Variants in ZNF804A observed in about 807,000 individuals in gnomAD.
ZNF804A encodes zinc finger protein 804A.
A neutral mutation model predicts 16.5 loss-of-function variants in ZNF804A; 2 were observed. The ratio of observed to expected loss-of-function variants is 0.12; its 90% CI spans 0.05 to 0.38. The LOEUF is 0.38. Ranked by LOEUF, ZNF804A falls within the 10% of genes least tolerant of loss-of-function variation. The pLI, the probability that ZNF804A is intolerant of heterozygous loss-of-function variation, is 0.99. For missense variants in ZNF804A, 1,473 were observed against 1,390.7 expected (o/e 1.06, Z -0.94); for synonymous variants, 534 against 489.6 (o/e 1.09, Z -1.20).
At chr2:184,741,422 G>T (rs1453065542) in intron 1 of ZNF804A, among the ~76,000 whole-genome samples, 2 of 151,978 alleles carry the variant, frequency 1.3e-5, no homozygotes. Context: ...TTTTTATTGG[G>T]GATTCATCAA....
At position 184,869,418 on chromosome 2, in the gene ZNF804A, G is replaced by A. The variant is rs572349922; in HGVS notation, c.255+2906G>A. ...AAGGGCCAATAAGTGAATAGAAAAA[G>A]GGAGGAGGATTTATTAATGGAATGA... is the stretch of plus-strand genomic sequence containing the variant. On this transcript the variant is annotated intron_variant, in intron 2 of 3. Transcript: ENST00000302277. Among the ~76,000 whole-genome samples the A allele has an allele frequency of 2.6e-5, 4 of 152,026 alleles. No individual in the cohort carries two copies. In the East Asian group the frequency reaches 7.8e-4, roughly 29 times the overall value.
intron 1 of ZNF804A, among the ~76,000 whole-genome samples, chr2:184,761,148 G>C (rs1289590590): frequency 1.3e-5 from 2 of 152,062 alleles, no homozygotes; most frequent in African/African-American, 2.4e-5. Flanking sequence ...TTTACTTGAG[G>C]TATGTTTGAA....
At chr2:184,826,808 T>C (rs1695175445) in intron 1 of ZNF804A, among the ~76,000 whole-genome samples, 1 of 152,124 alleles carries the variant, frequency 6.6e-6, no homozygotes. Context: ...ACTGCATGTA[T>C]ATTTTTATAT....
chr2:184,813,266 A>T lies in ZNF804A; in HGVS notation c.112-53103A>T, dbSNP rs143838231. Among the ~76,000 whole-genome samples, 326 of 152,204 alleles carry T rather than the reference A, an allele frequency of 2.1e-3. 1 individual carries two copies. Among genetic ancestry groups the T allele is most frequent in the Middle Eastern group, 6.8e-3 (2 of 294 alleles). ...AAAAAAGTATAAAACTGCTCTCTAA[A>T]CTCAAAGTCTTTATAATCTATTTGA... On this transcript the variant is annotated intron_variant, in intron 1 of 3. Coordinates refer to ENST00000302277, the MANE Select transcript of ZNF804A (RefSeq NM_194250.2).
chr2:184,674,477 A>G (rs887864409), intron 1 of ZNF804A, among the ~76,000 whole-genome samples: 2 of 152,002 alleles, frequency 1.3e-5, no homozygotes, highest in African/African-American at 4.8e-5. Flanking sequence ...ATAATGACAT[A>G]GGGAATCAAG....
chr2:184,866,830 T>A, intron 2 of ZNF804A, among the ~76,000 whole-genome samples: 1 of 151,064 alleles, frequency 6.6e-6, no homozygotes, highest in Non-Finnish European at 1.5e-5. Flanking sequence ...AAATGTATTG[T>A]TTTAAATATT....
chr2:184,720,474 T>C (rs1693293943), intron 1 of ZNF804A, among the ~76,000 whole-genome samples: 1 of 151,998 alleles, frequency 6.6e-6, no homozygotes, highest in African/African-American at 2.4e-5. Flanking sequence ...ATGAACTAGC[T>C]AAGAAGAAAA....
rs1006219255 is a variant in ZNF804A, at chr2:184,680,131, C to G, written c.111+81061C>G. Among the ~76,000 whole-genome samples, 3 of 152,174 alleles carry G rather than the reference C, an allele frequency of 2.0e-5. No individual in the cohort carries two copies. In the East Asian group the frequency reaches 5.8e-4, roughly 29 times the overall value. ...CTACCCACTGTGGGTCTCCTGTCTG[C>G]TGAGAGCTGAACAGACATCAGGAGG... On this transcript the variant is annotated intron_variant, in intron 1 of 3. Coordinates refer to ENST00000302277, the MANE Select transcript of ZNF804A (RefSeq NM_194250.2).
At chr2:184,772,971 G>GTATA (rs149878573) in intron 1 of ZNF804A, among the ~76,000 whole-genome samples, 1 of 142,000 alleles carries the variant, frequency 7.0e-6, no homozygotes, top group East Asian at 2.1e-4. Context: ...ACATATATAT[G>GTATA]TATATATATA....
intron 2 of ZNF804A, among the ~76,000 whole-genome samples, chr2:184,901,934 T>A (rs1685188256): frequency 6.6e-6 from 1 of 152,114 alleles, no homozygotes; most frequent in South Asian, 2.1e-4. Context: ...TCCATTTGTA[T>A]ACATATTTTA....
chr2:184,805,853 A>G (rs373548604), intron 1 of ZNF804A, among the ~76,000 whole-genome samples: 40 of 152,026 alleles, frequency 2.6e-4, no homozygotes, highest in Admixed American at 1.4e-3. Context: ...TCTCTGAGAC[A>G]TCCAGGAAGT....
intron 1 of ZNF804A, among the ~76,000 whole-genome samples, chr2:184,673,389 T>C (rs780777935): frequency 2.0e-5 from 3 of 152,210 alleles, no homozygotes; most frequent in Non-Finnish European, 4.4e-5. Flanking sequence ...TGTGTTGCAA[T>C]TCAAGTTACA....
chr2:184,931,595 T>C lies in ZNF804A; in HGVS notation c.256-2008T>C, dbSNP rs143358285. 1.8e-4 allele frequency among the ~76,000 whole-genome samples: 28 copies of C among 152,228 alleles called. 1 individual carries two copies. In the East Asian group the frequency reaches 4.7e-3, roughly 25 times the overall value. On this transcript the variant is annotated intron_variant, in intron 2 of 3. Transcript: ENST00000302277. ...GCTCTGGGTCTGGCCCACAAAACCA[T>C]TTTTCCCTCCCAATCCTCTGGGCCT...
chr2:184,817,324 C>T (rs988432267), intron 1 of ZNF804A, among the ~76,000 whole-genome samples: 2 of 151,774 alleles, frequency 1.3e-5, no homozygotes, highest in Non-Finnish European at 2.9e-5. Context: ...AATGGCCTGA[C>T]TGTTAAAATA....
rs1691265731 is a variant in ZNF804A at position 184,613,180 on chromosome 2, A to G, written c.111+14110A>G. Among the ~76,000 whole-genome samples, 5 of 152,248 alleles carry G rather than the reference A, an allele frequency of 3.3e-5. No homozygotes were observed. The South Asian group carries it at 1.0e-3, about 32-fold the overall frequency. ...CTCCTCTTTTCTCTTAGAACCCTTC[A>G]TAAAATAAGGGCAATATCTATTCAC... On this transcript the variant is annotated intron_variant, in intron 1 of 3. Coordinates refer to ENST00000302277, the MANE Select transcript of ZNF804A (RefSeq NM_194250.2).
chr2:184,786,354 T>G lies in ZNF804A; in HGVS notation c.112-80015T>G, dbSNP rs140626472. 2.2e-3 allele frequency among the ~76,000 whole-genome samples: 328 copies of G among 152,082 alleles called. 1 individual carries two copies. Among genetic ancestry groups the G allele is most frequent in the Middle Eastern group, 6.8e-3 (2 of 294 alleles). On this transcript the variant is annotated intron_variant, in intron 1 of 3. Transcript: ENST00000302277. ...ATTTTGTAAGCAATTCCCTAATAACTTTTTTTATATTTTGTAAGACAAAGG... is the reference window on the plus strand; with the variant it reads ...ATTTTGTAAGCAATTCCCTAATAACGTTTTTTATATTTTGTAAGACAAAGG...
chr2:184,838,525 G>T (rs975129372), intron 1 of ZNF804A, among the ~76,000 whole-genome samples: 2 of 151,940 alleles, frequency 1.3e-5, no homozygotes, highest in African/African-American at 2.4e-5. Flanking sequence ...TCTTTATTTT[G>T]CTAATTAAAC....
intron 2 of ZNF804A, among the ~76,000 whole-genome samples, chr2:184,901,566 A>G (rs2105827301): frequency 6.6e-6 from 1 of 152,282 alleles, no homozygotes; most frequent in East Asian, 1.9e-4. Flanking sequence ...TTTCCTCAGC[A>G]GGAGATCCAA....
At chr2:184,691,760 TG>T (rs968064621) in intron 1 of ZNF804A, among the ~76,000 whole-genome samples, 29 of 151,876 alleles carry the variant, frequency 1.9e-4, no homozygotes, top group African/African-American at 6.5e-4. Flanking sequence ...ACGAATTCGT[TG>T]TTTTATTTTA....
Sources: allele counts gnomAD v4.1 joint callset (sites outside exome capture counted in the v4.1 genomes callset), GRCh38; gene constraint gnomAD v4.1.1; transcripts MANE v1.5; gene names NCBI Gene and HGNC (gene_info 2026-07-23, HGNC 2026-07-21).